Variants in PLXNC1 observed in about 807,000 individuals in gnomAD.
PLXNC1 encodes plexin C1.
PLXNC1 carries 75 observed loss-of-function variants against 178.2 expected under a neutral mutation model. The ratio of observed to expected loss-of-function variants is 0.42; its 90% CI spans 0.35 to 0.51. PLXNC1 has a LOEUF of 0.51. PLXNC1 is among the 20% of genes least tolerant of loss of function. The probability of loss-of-function intolerance (pLI) is 0.02; values close to 1 mark genes in which losing one functional copy is unlikely to be tolerated. For synonymous variants in PLXNC1, 790 were observed against 779.9 expected (o/e 1.01, Z -0.22); for missense variants, 1,503 against 1,984.4 (o/e 0.76, Z 4.61).
chr12:94,217,092 G>T (rs1963667771), intron 5 of PLXNC1, among the ~76,000 whole-genome samples: 1 of 152,180 alleles, frequency 6.6e-6, no homozygotes, highest in South Asian at 2.1e-4. Context: ...CCTGGTTTCT[G>T]CCCCAGTGTT....
chr12:94,187,516 C>G (rs1962561561), intron 4 of PLXNC1, among the ~76,000 whole-genome samples: 3 of 152,212 alleles, frequency 2.0e-5, no homozygotes, highest in Admixed American at 2.0e-4. Context: ...ATTTGCTACG[C>G]TTCCTTACCG....
chr12:94,229,115 G>C (rs541652277), intron 9 of PLXNC1, among the ~76,000 whole-genome samples: 1 of 152,270 alleles, frequency 6.6e-6, no homozygotes, highest in Admixed American at 6.5e-5. Context: ...GGGTCAGGTG[G>C]TATCTCATTG....
chr12:94,157,799 A>G (rs953854675), intron 1 of PLXNC1, among the ~76,000 whole-genome samples: 7 of 152,200 alleles, frequency 4.6e-5, no homozygotes, highest in African/African-American at 1.7e-4. Flanking sequence ...GGCTGCATAC[A>G]GTCTCTATCA....
At chr12:94,168,760 A>G (rs1267396636) in intron 1 of PLXNC1, among the ~76,000 whole-genome samples, 1 of 152,232 alleles carries the variant, frequency 6.6e-6, no homozygotes, top group African/African-American at 2.4e-5. Flanking sequence ...ACAGAAGCCA[A>G]CGCCTAGCTA....
chr12:94,260,867 C>T lies in PLXNC1; in HGVS notation c.3450+27C>T, dbSNP rs1191220313. On this transcript the variant is annotated intron_variant, in intron 20 of 30. Coordinates refer to ENST00000258526, the MANE Select transcript of PLXNC1 (RefSeq NM_005761.3). This position sits in a 1 kb window ranked among gnomAD's most constrained non-coding sequence, Gnocchi z 4.4. The stretch of plus-strand genomic sequence containing the variant: ...TAAGTGTCACATCCCTCAGCAATGT[C>T]AGAGGTAAGACAATAGGCAGTTATT... 2 of 1,599,402 alleles carry T rather than the reference C, an allele frequency of 1.3e-6. No homozygotes were observed. The highest frequency in any genetic ancestry group is 1.7e-6 in the Non-Finnish European group (2 of 1,167,350).
At chr12:94,241,205 T>G (rs1964378795) in intron 11 of PLXNC1, among the ~76,000 whole-genome samples, 1 of 152,228 alleles carries the variant, frequency 6.6e-6, no homozygotes, top group Non-Finnish European at 1.5e-5. Context: ...ATTACTATTA[T>G]GTATTTTTTG....
intron 12 of PLXNC1, 121 bp downstream of exon 12, chr12:94,244,146 A>G (rs1047340450): frequency 5.7e-5 from 30 of 528,022 alleles, no homozygotes; most frequent in African/African-American, 5.1e-4. Context: ...ACTTTTACCT[A>G]TGCTATCATA....
intron 28 of PLXNC1, among the ~76,000 whole-genome samples, chr12:94,302,323 T>G (rs17022386): frequency 0.1 from 15,627 of 152,254 alleles, 921 homozygotes; most frequent in Admixed American, 0.15. Flanking sequence ...CTTTCCTGTC[T>G]CACAGTCCCT....
intron 20 of PLXNC1, among the ~76,000 whole-genome samples, chr12:94,261,365 C>A (rs1964984002): frequency 6.6e-6 from 1 of 152,202 alleles, no homozygotes. Flanking sequence ...AAAATCTTTT[C>A]AAATGCAAAC....
chr12:94,247,953 A>G lies in PLXNC1; in HGVS notation c.2439A>G (p.Leu813=). The change falls in exon 13 of 31, where the codon TTA becomes TTG. Residue 813 remains leucine (L), a synonymous_variant. Coordinates refer to ENST00000258526, the MANE Select transcript of PLXNC1 (RefSeq NM_005761.3). ...ATYCGFLAPS[L]KSSKVRTNVT... is the part of the protein sequence containing the mutation. Reference sequence around the variant, plus strand: ...ACTGCGGGTTTTTAGCCCCCAGTTTAAAGAGTTCAAAAGTGCGCACGAATG... The same window carrying G: ...ACTGCGGGTTTTTAGCCCCCAGTTTGAAGAGTTCAAAAGTGCGCACGAATG... 6.2e-7 allele frequency: 1 copy of G among 1,614,148 alleles called. No individual in the cohort carries two copies. Among genetic ancestry groups the G allele is most frequent in the Non-Finnish European group, 8.5e-7 (1 of 1,180,024 alleles).
chr12:94,267,409 G>A (rs57232970), intron 21 of PLXNC1, among the ~76,000 whole-genome samples: 6,491 of 152,140 alleles, frequency 0.043, 216 homozygotes, highest in African/African-American at 0.089. Context: ...GTTAACACTC[G>A]ACTCATCATC....
intron 23 of PLXNC1, among the ~76,000 whole-genome samples, chr12:94,292,723 A>G (rs1394208454): frequency 6.6e-6 from 1 of 152,202 alleles, no homozygotes; most frequent in South Asian, 2.1e-4. Context: ...TAATTTGTGC[A>G]CAAATCAAAG....
chr12:94,249,065 T>A (rs1964606708), intron 14 of PLXNC1, among the ~76,000 whole-genome samples: 1 of 152,028 alleles, frequency 6.6e-6, no homozygotes, highest in Non-Finnish European at 1.5e-5. Flanking sequence ...TCTATCATCA[T>A]AAATAATTGG....
intron 5 of PLXNC1, among the ~76,000 whole-genome samples, chr12:94,218,001 G>T (rs1224251520): frequency 1.3e-5 from 2 of 152,208 alleles, no homozygotes; most frequent in African/African-American, 4.8e-5. Context: ...AACTTTAAAA[G>T]AGTTGGTGAA....
intron 4 of PLXNC1, among the ~76,000 whole-genome samples, chr12:94,209,150 A>G (rs1488923868): frequency 6.6e-6 from 1 of 152,222 alleles, no homozygotes; most frequent in Non-Finnish European, 1.5e-5. Flanking sequence ...AAACAAAATC[A>G]AGTTACACAA....
In PLXNC1 at chr12:94,298,724, CT is replaced by C. The variant is rs1565872820; in HGVS notation, c.4172del (p.Leu1391TrpfsTer30). ...CATTTGCTATAAAATACTTTTTTGA[CT>C]TTTTGGACGCCCAGGCTGAAAACAA... ...APFAIKYFFD[F>X]LDAQAENKKI... On this transcript the variant is annotated frameshift_variant, in exon 27 of 31. Transcript: ENST00000258526. LOFTEE classifies it high-confidence loss of function. 6.2e-7 allele frequency: 1 copy of C among 1,612,696 alleles called. No homozygotes were observed. The highest frequency in any genetic ancestry group is 8.5e-7 in the Non-Finnish European group (1 of 1,179,678).
At position 94,231,219 on chromosome 12, in the gene PLXNC1, C is replaced by T. The variant is rs1444449831; in HGVS notation, c.1980+3984C>T. On this transcript the variant is annotated intron_variant, in intron 9 of 30. Transcript: ENST00000258526. ...TGATTGCTGGAGATGGCATTTCAGCCCACCTTTGAGGACGAGAAGCATCCA... is the reference window on the plus strand; with the variant it reads ...TGATTGCTGGAGATGGCATTTCAGCTCACCTTTGAGGACGAGAAGCATCCA... Among the ~76,000 whole-genome samples the T allele has an allele frequency of 3.9e-5, 6 of 152,094 alleles. No individual in the cohort carries two copies. The East Asian group carries it at 1.2e-3, about 29-fold the overall frequency.
intron 21 of PLXNC1, among the ~76,000 whole-genome samples, chr12:94,274,730 G>A (rs1965811572): frequency 6.6e-6 from 1 of 152,172 alleles, no homozygotes; most frequent in African/African-American, 2.4e-5. Context: ...TCCAAAGGCA[G>A]GATCACCGAG....
chr12:94,194,375 A>G (rs1317389949), intron 4 of PLXNC1, among the ~76,000 whole-genome samples: 1 of 152,168 alleles, frequency 6.6e-6, no homozygotes, highest in East Asian at 1.9e-4. Flanking sequence ...TTTGGATAGA[A>G]TCTGGGCTTT....
Sources: allele counts gnomAD v4.1 joint callset (sites outside exome capture counted in the v4.1 genomes callset), GRCh38; gene constraint gnomAD v4.1.1; non-coding constraint Gnocchi (gnomAD v3.1); transcripts MANE v1.5; gene names NCBI Gene and HGNC (gene_info 2026-07-23, HGNC 2026-07-21).